DOCK2: variants seen among roughly 807,000 people sequenced by gnomAD.
DOCK2 encodes dedicator of cytokinesis 2.
Under a neutral mutation model 248.9 loss-of-function variants are expected in DOCK2, and 87 were observed. The observed-to-expected ratio is 0.35, with a 90% CI of 0.29 to 0.42. The LOEUF (loss-of-function observed/expected upper bound fraction) is 0.42. Among genes scored for constraint, DOCK2 ranks in the 10% least tolerant of loss-of-function variants. The probability of loss-of-function intolerance (pLI) is 1.00; values close to 1 mark genes in which losing one functional copy is unlikely to be tolerated. For missense variants in DOCK2, 1,747 were observed against 2,300.2 expected (o/e 0.76, Z 4.92); for synonymous variants, 805 against 821.6 (o/e 0.98, Z 0.35).
chr5:169,854,571 G>A (rs1020689872), intron 27 of DOCK2, among the ~76,000 whole-genome samples: 3 of 152,234 alleles, frequency 2.0e-5, no homozygotes, highest in Non-Finnish European at 4.4e-5. Flanking sequence ...TAATGATAGA[G>A]GTGATGTGTG....
At chr5:169,856,246 T>C (rs1581294951) in intron 27 of DOCK2, among the ~76,000 whole-genome samples, 1 of 152,158 alleles carries the variant, frequency 6.6e-6, no homozygotes, top group Non-Finnish European at 1.5e-5. Context: ...CAATGTGACA[T>C]TCAGGTGGGG....
chr5:169,809,688 G>A (rs560716199), intron 26 of DOCK2, among the ~76,000 whole-genome samples: 13 of 152,248 alleles, frequency 8.5e-5, no homozygotes, highest in East Asian at 7.7e-4. Flanking sequence ...CACTGACTTC[G>A]CAGAGTTTAC....
chr5:169,715,931 C>T (rs1479263374), intron 19 of DOCK2, among the ~76,000 whole-genome samples: 2 of 152,186 alleles, frequency 1.3e-5, no homozygotes, highest in African/African-American at 4.8e-5. Context: ...TTGTGAGAAT[C>T]ATCCTCATTT....
chr5:169,839,340 C>G (rs1769796732), intron 26 of DOCK2, among the ~76,000 whole-genome samples: 1 of 152,142 alleles, frequency 6.6e-6, no homozygotes, highest in Non-Finnish European at 1.5e-5. Flanking sequence ...ATTTTTAGGT[C>G]CACATCGACC....
At chr5:169,889,024 C>T (rs1183286140) in intron 27 of DOCK2, among the ~76,000 whole-genome samples, 2 of 152,204 alleles carry the variant, frequency 1.3e-5, no homozygotes, top group Non-Finnish European at 2.9e-5. Flanking sequence ...GCCTCTTCAA[C>T]TAGACTCTAA....
chr5:170,055,493 C>A, intron 42 of DOCK2, 107 bp downstream of exon 42: 1 of 998,252 alleles, frequency 1.0e-6, no homozygotes, highest in Non-Finnish European at 1.5e-6. Flanking sequence ...AGTTCCTTCT[C>A]TATCTTAGCC....
At chr5:169,752,987 C>T (rs530917749) in intron 23 of DOCK2, among the ~76,000 whole-genome samples, 1 of 152,106 alleles carries the variant, frequency 6.6e-6, no homozygotes, top group Non-Finnish European at 1.5e-5. Context: ...ATTGCTTGAA[C>T]CTGGGAGGTG....
At chr5:169,910,716 C>T (rs1276779925) in intron 27 of DOCK2, among the ~76,000 whole-genome samples, 3 of 152,318 alleles carry the variant, frequency 2.0e-5, no homozygotes, top group South Asian at 4.1e-4. Context: ...AACAGAGAGG[C>T]AGTTTCTAAT....
chr5:169,714,528 G>C, intron 19 of DOCK2, 71 bp downstream of exon 19: 1 of 1,536,612 alleles, frequency 6.5e-7, no homozygotes, highest in Non-Finnish European at 9.0e-7. Context: ...GGCTTCAGGG[G>C]AAAAACAAGG....
intron 25 of DOCK2, among the ~76,000 whole-genome samples, chr5:169,793,295 C>G (rs868808039): frequency 6.6e-6 from 1 of 152,304 alleles, no homozygotes; most frequent in Middle Eastern, 3.4e-3. Context: ...ATCGACTTCC[C>G]TCTGTACTTG....
At chr5:169,803,389 A>C (rs1404368399) in intron 26 of DOCK2, among the ~76,000 whole-genome samples, 183 bp downstream of exon 26, 1 of 152,138 alleles carries the variant, frequency 6.6e-6, no homozygotes, top group Non-Finnish European at 1.5e-5. Context: ...AGGGGACTGG[A>C]GTTAATCATG....
chr5:169,804,495 C>CAG (rs1767219187), intron 26 of DOCK2, among the ~76,000 whole-genome samples: 1 of 142,746 alleles, frequency 7.0e-6, no homozygotes, highest in African/African-American at 2.7e-5. Flanking sequence ...TGCGCGCGCG[C>CAG]GTGCGCGTAA....
intron 27 of DOCK2, among the ~76,000 whole-genome samples, chr5:169,845,003 T>C (rs553918695): frequency 1.1e-4 from 17 of 152,032 alleles, no homozygotes; most frequent in Non-Finnish European, 2.2e-4. Context: ...GAGTTAGGCA[T>C]GGTCTGTGCC....
chr5:170,077,358 C>T, intron 47 of DOCK2, among the ~76,000 whole-genome samples: 1 of 152,152 alleles, frequency 6.6e-6, no homozygotes, highest in East Asian at 1.9e-4. Flanking sequence ...GGCTTAAAGC[C>T]CCAGCCCAGC....
At chr5:170,017,980 C>A (rs1489178199) in intron 32 of DOCK2, among the ~76,000 whole-genome samples, 1 of 152,218 alleles carries the variant, frequency 6.6e-6, no homozygotes, top group East Asian at 1.9e-4. Context: ...TTTATTTTCT[C>A]ATTCAGCAGG....
At chr5:169,943,326 C>A (rs1215062294) in intron 27 of DOCK2, among the ~76,000 whole-genome samples, 1 of 152,130 alleles carries the variant, frequency 6.6e-6, no homozygotes, top group Non-Finnish European at 1.5e-5. Context: ...AAAGGTTGAT[C>A]CCACCCTGAG....
chr5:169,650,668 A>C (rs1757753707), intron 1 of DOCK2, among the ~76,000 whole-genome samples: 1 of 152,108 alleles, frequency 6.6e-6, no homozygotes, highest in Non-Finnish European at 1.5e-5. Context: ...CCAACCTGGG[A>C]TTTCCAATGT....
chr5:169,678,970 A>G (rs921764042), intron 6 of DOCK2, among the ~76,000 whole-genome samples: 1 of 152,142 alleles, frequency 6.6e-6, no homozygotes, highest in Non-Finnish European at 1.5e-5. Flanking sequence ...AGAGGTTGAC[A>G]TGACCACGGA....
At chr5:170,046,616 T>C (rs1756721651) in intron 39 of DOCK2, among the ~76,000 whole-genome samples, 1 of 152,206 alleles carries the variant, frequency 6.6e-6, no homozygotes, top group Non-Finnish European at 1.5e-5. Context: ...AGTGATCTTG[T>C]TAAAAACAGC....
Sources: allele counts gnomAD v4.1 joint callset (sites outside exome capture counted in the v4.1 genomes callset), GRCh38; gene constraint gnomAD v4.1.1; transcripts MANE v1.5; gene names NCBI Gene and HGNC (gene_info 2026-07-23, HGNC 2026-07-21).